PCF11: variants seen among roughly 807,000 people sequenced by gnomAD.
PCF11 encodes the protein pre-mRNA cleavage complex 2 protein Pcf11.
PCF11 carries 19 observed loss-of-function variants against 166.1 expected under a neutral mutation model. That is an observed-to-expected ratio of 0.11 (90% CI 0.08 to 0.17). The LOEUF (loss-of-function observed/expected upper bound fraction) is 0.17. Ranked by LOEUF, PCF11 falls within the 10% of genes least tolerant of loss-of-function variation. PCF11 has a pLI of 1.00. For synonymous variants in PCF11, 663 were observed against 644.1 expected (o/e 1.03, Z -0.44); for missense variants, 1,565 against 1,855.5 (o/e 0.84, Z 2.88).
chr11:83,178,361 A>C (rs188317041), intron 11 of PCF11, among the ~76,000 whole-genome samples: 1 of 152,072 alleles, frequency 6.6e-6, no homozygotes, highest in Non-Finnish European at 1.5e-5. Flanking sequence ...CAGAAAACTT[A>C]GGGAGTTTAA....
chr11:83,178,812 C>CAAA (rs747677105), intron 11 of PCF11, among the ~76,000 whole-genome samples: 1 of 111,038 alleles, frequency 9.0e-6, no homozygotes, highest in Non-Finnish European at 2.0e-5. Context: ...GACTGTGTCT[C>CAAA]AAAAAAAAAA....
At chr11:83,169,114 G>C in exon 8 of PCF11, 1 of 1,613,704 alleles carries the variant, frequency 6.2e-7, no homozygotes, top group Non-Finnish European at 8.5e-7. Flanking sequence ...ATCAGGGGCT[G>C]CGATTAGGTT....
At chr11:83,181,217 T>G in intron 12 of PCF11, 26 bp downstream of exon 12, 1 of 1,285,742 alleles carries the variant, frequency 7.8e-7, no homozygotes, top group Non-Finnish European at 1.1e-6. Flanking sequence ...GCCTCCATAG[T>G]ATCTTTTAGG....
chr11:83,173,367 A>G (rs1463492296), intron 9 of PCF11, among the ~76,000 whole-genome samples: 4 of 152,136 alleles, frequency 2.6e-5, no homozygotes, highest in Non-Finnish European at 5.9e-5. Context: ...AGGCAGGAGA[A>G]TCGCTTGAAC....
chr11:83,170,342 C>A (rs12276007), intron 8 of PCF11, among the ~76,000 whole-genome samples: 2 of 151,906 alleles, frequency 1.3e-5, no homozygotes, highest in Non-Finnish European at 2.9e-5. Flanking sequence ...TGAGCCCTGA[C>A]GTGCTTTAAG....
At chr11:83,185,876 A>C (rs529961761) in exon 16 of PCF11, 1 of 152,770 alleles carries the variant, frequency 6.5e-6, no homozygotes, top group Non-Finnish European at 1.5e-5. Flanking sequence ...TGAAACATGA[A>C]CATGGTACTT....
intron 13 of PCF11, 126 bp downstream of exon 13, chr11:83,182,135 C>G: frequency 1.2e-6 from 1 of 835,448 alleles, no homozygotes. Flanking sequence ...CTTGAAAGCT[C>G]TACTCTTCAA....
intron 11 of PCF11, among the ~76,000 whole-genome samples, chr11:83,179,772 C>T (rs1183652380): frequency 2.6e-5 from 4 of 151,912 alleles, no homozygotes; most frequent in Non-Finnish European, 5.9e-5. Context: ...CTAAAATTAG[C>T]TGGGCGTGGT....
At chr11:83,179,238 T>C (rs183780756) in intron 11 of PCF11, among the ~76,000 whole-genome samples, 43 of 152,074 alleles carry the variant, frequency 2.8e-4, no homozygotes, top group South Asian at 6.2e-4. Flanking sequence ...CTATTTTTTC[T>C]GCCATTTACC....
At chr11:83,178,355 AAACTTAG>A (rs1330944119) in intron 11 of PCF11, among the ~76,000 whole-genome samples, 1 of 152,118 alleles carries the variant, frequency 6.6e-6, no homozygotes, top group Non-Finnish European at 1.5e-5. Flanking sequence ...GTGATACAGA[AAACTTAG>A]GGAGTTTAAA....
intron 9 of PCF11, among the ~76,000 whole-genome samples, chr11:83,173,316 G>A (rs1379155681): frequency 2.0e-5 from 3 of 152,080 alleles, no homozygotes; most frequent in African/African-American, 7.2e-5. Flanking sequence ...TTAGCTGGGT[G>A]TGGTGGTGCA....
exon 8 of PCF11, chr11:83,169,985 C>T (rs1238203628): frequency 1.9e-6 from 3 of 1,584,496 alleles, no homozygotes; most frequent in Non-Finnish European, 2.6e-6. Flanking sequence ...AATATTCAGG[C>T]ATCTCAACAG....
intron 4 of PCF11, 114 bp from the exon 5 acceptor site, chr11:83,165,486 A>T: frequency 1.5e-6 from 1 of 671,982 alleles, no homozygotes; most frequent in South Asian, 2.3e-5. Flanking sequence ...ATTTAAATGT[A>T]GTGTTGAGTA....
chr11:83,181,443 G>C (rs1393514504), intron 12 of PCF11, among the ~76,000 whole-genome samples: 2 of 148,502 alleles, frequency 1.3e-5, no homozygotes, highest in African/African-American at 2.5e-5. Flanking sequence ...ATACAGGCTT[G>C]TTCTAGCTCT....
intron 9 of PCF11, among the ~76,000 whole-genome samples, chr11:83,173,175 G>A (rs1436089881): frequency 2.0e-5 from 3 of 152,116 alleles, no homozygotes; most frequent in Non-Finnish European, 4.4e-5. Flanking sequence ...ACAGCATATG[G>A]GCCGGGCATG....
intron 9 of PCF11, among the ~76,000 whole-genome samples, chr11:83,174,100 T>C (rs1015612411): frequency 3.9e-5 from 6 of 152,212 alleles, no homozygotes; most frequent in Non-Finnish European, 8.8e-5. Context: ...GAGGAAATCA[T>C]AATTATTCCC....
chr11:83,177,752 G>A, exon 11 of PCF11: 1 of 1,544,444 alleles, frequency 6.5e-7, no homozygotes, highest in Non-Finnish European at 8.8e-7. Flanking sequence ...CCCTGAAGAG[G>A]AGGAAGATCA....
In PCF11 at chr11:83,167,164, G is replaced by A. The variant is rs372349003; in HGVS notation, c.1857G>A (p.Leu619=). 5 of 1,613,264 alleles carry A rather than the reference G, an allele frequency of 3.1e-6. No individual in the cohort carries two copies. In the African/African-American group the frequency reaches 5.3e-5, roughly 17 times the overall value. The change falls in exon 6 of 16, where the codon CTG becomes CTA. Residue 619 remains leucine, a synonymous_variant. Coordinates refer to ENST00000298281, the Ensembl canonical transcript of PCF11. The surrounding 1 kb of genome is among the most constrained non-coding windows in gnomAD (Gnocchi z 4.2). ...ATGAACATAGTAAACCTCCTCATCT[G>A]AGGCATAGGGAGAGCTGGTCAAGCA...
At chr11:83,171,190 T>C (rs1046920389) in intron 8 of PCF11, 11 of 400,992 alleles carry the variant, frequency 2.7e-5, no homozygotes, top group Non-Finnish European at 5.4e-5. Context: ...TATTCTGTTT[T>C]TTAACATTCC....
Sources: allele counts gnomAD v4.1 joint callset (sites outside exome capture counted in the v4.1 genomes callset), GRCh38; gene constraint gnomAD v4.1.1; non-coding constraint Gnocchi (gnomAD v3.1); transcripts MANE v1.5; gene names NCBI Gene and HGNC (gene_info 2026-07-23, HGNC 2026-07-21).